The following FKBP15 variants were observed in gnomAD, a reference collection of about 807,000 sequenced individuals.
FKBP15 encodes the protein FK506-binding protein 15.
In FKBP15, 106 loss-of-function variants were observed where a neutral mutation model predicts 158.1. That is an observed-to-expected ratio of 0.67 (90% CI 0.57 to 0.79). The LOEUF is 0.79. Ranked by LOEUF, FKBP15 falls within the 30% of genes least tolerant of loss-of-function variation. FKBP15 has a pLI of 0.00. For synonymous variants in FKBP15, 547 were observed against 548.6 expected, an observed-to-expected ratio of 1.00 and a Z score of 0.04; for missense variants, 1,287 against 1,479.1, an observed-to-expected ratio of 0.87 and a Z score of 2.13.
At chr9:113,176,380 T>C (rs1298938072) in intron 21 of FKBP15, among the ~76,000 whole-genome samples, 157 bp downstream of exon 21, 2 of 152,242 alleles carry the variant, frequency 1.3e-5, no homozygotes, top group African/African-American at 2.4e-5. Flanking sequence ...TCACCTTCAA[T>C]GTATGAGATT....
chr9:113,184,362 A>G lies in FKBP15; in HGVS notation c.1646T>C (p.Met549Thr), dbSNP rs753596738. ...ELQKHSAGNSMLIPSMSVTME... is the reference protein window; with the variant it reads ...ELQKHSAGNSTLIPSMSVTME... Reference sequence around the variant, plus strand: ...TGTAACTGACATGCTAGGAATAAGCATGGAATTGCCAGCACTATGTTTCTG... The same window carrying G: ...TGTAACTGACATGCTAGGAATAAGCGTGGAATTGCCAGCACTATGTTTCTG... Residue 549 changes from methionine to threonine, a missense_variant, in exon 17 of 28, where the codon ATG becomes ACG. Physicochemically the swap from Met to Thr is moderately conservative, Grantham distance 81. Coordinates refer to ENST00000238256, the MANE Select transcript of FKBP15 (RefSeq NM_015258.2). This position sits in a 1 kb window ranked among gnomAD's most constrained non-coding sequence, Gnocchi z 4.5. The G allele has an allele frequency of 3.7e-6, 6 of 1,607,628 alleles. No individual in the cohort carries two copies. Among genetic ancestry groups the G allele is most frequent in the Non-Finnish European group, 4.2e-6 (5 of 1,176,694 alleles).
chr9:113,169,893 C>A lies in FKBP15; in HGVS notation c.2816G>T (p.Ser939Ile), dbSNP rs1313141649. ...TTTTTCTTCTTCTTCTTCACTGCTGCTCTCTTCCTTCTCTTGCTCCTGTTG... is the reference window on the plus strand; with the variant it reads ...TTTTTCTTCTTCTTCTTCACTGCTGATCTCTTCCTTCTCTTGCTCCTGTTG... Reference protein sequence around the residue: ...LNQQEQEKEESSSEEEEEKAE... With the variant: ...LNQQEQEKEEISSEEEEEKAE... Residue 939 changes from serine (S) to isoleucine (I), a missense_variant, in exon 26 of 28, where the codon AGC becomes ATC. Transcript: ENST00000238256. 2 of 1,549,882 alleles carry A rather than the reference C, an allele frequency of 1.3e-6. No individual in the cohort carries two copies. The highest frequency in any genetic ancestry group is 4.9e-5 in the East Asian group (2 of 40,920).
At chr9:113,195,459 G>C (rs1487607085) in intron 9 of FKBP15, among the ~76,000 whole-genome samples, 1 of 152,074 alleles carries the variant, frequency 6.6e-6, no homozygotes, top group Non-Finnish European at 1.5e-5. Context: ...CAAACTCAAA[G>C]GAAAATTGAC....
rs1482270131 is a variant in FKBP15, at chr9:113,186,239, T to A, written c.1498+10A>T. On this transcript the variant is annotated intron_variant, in intron 15 of 27. Coordinates refer to ENST00000238256, the MANE Select transcript of FKBP15 (RefSeq NM_015258.2). ...GCGGAAGATGAGAAACTGAGGGAAT[T>A]ACTCCCTACCTTGGAAATGGGGAGG... 1 of 1,541,826 alleles carries A rather than the reference T, an allele frequency of 6.5e-7. No homozygotes were observed. Among genetic ancestry groups the A allele is most frequent in the South Asian group, 1.2e-5 (1 of 83,898 alleles).
chr9:113,206,643 T>C, intron 3 of FKBP15, 65 bp from the exon 4 acceptor site: 1 of 1,211,340 alleles, frequency 8.3e-7, no homozygotes. Flanking sequence ...CAGCTTTCTT[T>C]TCTGTCATAC....
intron 1 of FKBP15, among the ~76,000 whole-genome samples, chr9:113,219,165 G>T (rs751771549): frequency 1.3e-5 from 2 of 152,084 alleles, no homozygotes; most frequent in Non-Finnish European, 2.9e-5. Flanking sequence ...CAAAAACAAG[G>T]CTCCTGATTA....
At chr9:113,215,897 C>A (rs1391857550) in intron 1 of FKBP15, among the ~76,000 whole-genome samples, 1 of 150,768 alleles carries the variant, frequency 6.6e-6, no homozygotes, top group Non-Finnish European at 1.5e-5. Context: ...GTGATCCACC[C>A]GCCTCAGCCT....
At chr9:113,171,555 G>C (rs746554449) in intron 24 of FKBP15, 26 bp downstream of exon 24, 1 of 1,602,216 alleles carries the variant, frequency 6.2e-7, no homozygotes, top group Middle Eastern at 1.7e-4. Flanking sequence ...TAAATGGCTT[G>C]CTTCTCATTT....
intron 11 of FKBP15, among the ~76,000 whole-genome samples, 195 bp downstream of exon 11, chr9:113,193,297 G>A (rs1039606228): frequency 5.9e-5 from 9 of 151,752 alleles, no homozygotes; most frequent in Non-Finnish European, 1.0e-4. Context: ...CATATCCTAA[G>A]CACATAAAAC....
intron 2 of FKBP15, 54 bp from the exon 3 acceptor site, chr9:113,207,350 T>A: frequency 7.1e-7 from 1 of 1,402,410 alleles, no homozygotes; most frequent in Middle Eastern, 1.9e-4. Flanking sequence ...TTAAACTAAT[T>A]TTTTTTAAAG....
intron 11 of FKBP15, among the ~76,000 whole-genome samples, 183 bp from the exon 12 acceptor site, chr9:113,190,761 A>G (rs372955365): frequency 4.6e-5 from 7 of 152,374 alleles, no homozygotes; most frequent in African/African-American, 1.7e-4. Flanking sequence ...ATCACAATTA[A>G]TAGCAGTAAA....
intron 1 of FKBP15, among the ~76,000 whole-genome samples, chr9:113,211,944 T>C (rs1831015253): frequency 6.6e-6 from 1 of 152,192 alleles, no homozygotes; most frequent in Non-Finnish European, 1.5e-5. Context: ...TATGGTATCT[T>C]CAAACTGTAA....
chr9:113,172,321 G>A (rs757174307), intron 23 of FKBP15, among the ~76,000 whole-genome samples: 10 of 152,152 alleles, frequency 6.6e-5, no homozygotes. Flanking sequence ...ATGTGCATGT[G>A]TCTTTATAGT....
chr9:113,169,638 G>A lies in FKBP15; in HGVS notation c.3071C>T (p.Ser1024Phe), dbSNP rs772690840. ...GATGCAAGACAGTTCGGGTGGAAGG[G>A]AACCATCTTTTATCTCTGAGAGTGC... ...AEALSEIKDGSLPPELSCIPS... is the reference protein window; with the variant it reads ...AEALSEIKDGFLPPELSCIPS... The change falls in exon 26 of 28, where the codon TCC becomes TTC. Residue 1024 changes from serine to phenylalanine, a missense_variant. Physicochemically the swap from Ser to Phe is radical, Grantham distance 155. Transcript: ENST00000238256. The A allele has an allele frequency of 2.0e-5, 33 of 1,613,990 alleles. No individual in the cohort carries two copies. The East Asian group carries it at 7.4e-4, about 36-fold the overall frequency.
At chr9:113,195,991 T>C (rs1012124958) in intron 9 of FKBP15, among the ~76,000 whole-genome samples, 2 of 151,572 alleles carry the variant, frequency 1.3e-5, no homozygotes, top group African/African-American at 2.4e-5. Context: ...TGACTATGTA[T>C]ATGGATATGT....
At chr9:113,173,377 C>G in intron 23 of FKBP15, 76 bp downstream of exon 23, 1 of 1,494,272 alleles carries the variant, frequency 6.7e-7, no homozygotes, top group Non-Finnish European at 9.2e-7. Context: ...TTAGAAGGAT[C>G]GACAGGACTC....
Position 113,170,699 on chromosome 9 carries a change from G to A in FKBP15, c.2659-70C>T, listed in dbSNP as rs146773529. The A allele has an allele frequency of 6.4e-4, 770 of 1,199,212 alleles. 3 individuals are homozygous for A. The African/African-American group carries it at 0.01, about 16-fold the overall frequency. The allele number at this position is 1,199,212 out of a possible 1,614,324, so 74.3% of individuals were successfully genotyped here. On this transcript the variant is annotated intron_variant, in intron 24 of 27. Coordinates refer to ENST00000238256, the MANE Select transcript of FKBP15 (RefSeq NM_015258.2). ...AGGATGCATTAAATTCCAGAGAGGT[G>A]TATGGAAGGCCAAAATGAAGCCATC...
chr9:113,216,533 A>G (rs1831139145), intron 1 of FKBP15, among the ~76,000 whole-genome samples: 1 of 152,230 alleles, frequency 6.6e-6, no homozygotes. Context: ...TATGGAATTT[A>G]GAAGACAGCA....
At chr9:113,177,168 G>A (rs1830314521) in intron 20 of FKBP15, among the ~76,000 whole-genome samples, 1 of 152,154 alleles carries the variant, frequency 6.6e-6, no homozygotes, top group South Asian at 2.1e-4. Flanking sequence ...ACTCTCATAA[G>A]TCCATTTTGG....
Sources: allele counts gnomAD v4.1 joint callset (sites outside exome capture counted in the v4.1 genomes callset), GRCh38; gene constraint gnomAD v4.1.1; non-coding constraint Gnocchi (gnomAD v3.1); transcripts MANE v1.5; gene names NCBI Gene and HGNC (gene_info 2026-07-23, HGNC 2026-07-21).